VRTN: variants seen among roughly 807,000 people sequenced by gnomAD.
VRTN encodes the protein vertebrae development associated, also known as vertnin.
VRTN carries 5 observed loss-of-function variants against 18.2 expected under a neutral mutation model. That is an observed-to-expected ratio of 0.27 (90% confidence interval 0.14 to 0.58). The LOEUF is 0.58. Among genes scored for constraint, VRTN ranks in the 20% least tolerant of loss-of-function variants. The pLI is 0.91. For missense variants in VRTN, 741 were observed against 939.4 expected (o/e 0.79, Z 2.76); for synonymous variants, 381 against 393.7 (o/e 0.97, Z 0.38).
chr14:74,320,935 G>A (rs2085452365), intron 1 of VRTN, among the ~76,000 whole-genome samples: 1 of 147,346 alleles, frequency 6.8e-6, no homozygotes, highest in African/African-American at 2.5e-5. Flanking sequence ...AGCAGCAGCA[G>A]CAGCAGCAAG....
At chr14:74,303,843 ATTTTTTTTTTTT>A (rs67822776) in intron 1 of VRTN, among the ~76,000 whole-genome samples, 2 of 88,498 alleles carry the variant, frequency 2.3e-5, no homozygotes, top group South Asian at 3.9e-4. Flanking sequence ...ACAATTACAG[ATTTTTTTTTTTT>A]TTTTTTTTTT....
Position 74,341,889 on chromosome 14 carries a change from G to A in VRTN, c.-2+4005G>A, listed in dbSNP as rs117652306. Among the ~76,000 whole-genome samples the A allele has an allele frequency of 8.0e-3, 1,220 of 152,284 alleles. 10 individuals are homozygous for A. Among genetic ancestry groups the A allele is most frequent in the Non-Finnish European group, 0.013 (896 of 68,026 alleles). ...CTGAAATCTGAATTTTGTTCAAAGCGAGGTATATATTAACTAAAGATGTCT... is the reference window on the plus strand; with the variant it reads ...CTGAAATCTGAATTTTGTTCAAAGCAAGGTATATATTAACTAAAGATGTCT... On this transcript the variant is annotated intron_variant, in intron 2 of 2. Transcript: ENST00000557177.
chr14:74,304,113 A>G (rs1309519987), intron 1 of VRTN, among the ~76,000 whole-genome samples: 1 of 151,384 alleles, frequency 6.6e-6, no homozygotes, highest in African/African-American at 2.4e-5. Context: ...GGCTTTCCAA[A>G]GTGTTGGGAT....
chr14:74,353,630 C>T (rs993014055), intron 1 of VRTN, among the ~76,000 whole-genome samples: 6 of 151,926 alleles, frequency 3.9e-5, no homozygotes, highest in African/African-American at 9.7e-5. Context: ...GTATATTGTA[C>T]ACAAAATTAA....
intron 1 of VRTN, chr14:74,306,187 T>TTA (rs2085351240): frequency 7.6e-6 from 1 of 131,382 alleles, no homozygotes; most frequent in African/African-American, 3.0e-5. Context: ...TTTTTTTTTT[T>TTA]TGAGACAGAG....
At chr14:74,329,060 T>C (rs1005264768) in intron 1 of VRTN, among the ~76,000 whole-genome samples, 5 of 151,764 alleles carry the variant, frequency 3.3e-5, no homozygotes, top group African/African-American at 1.2e-4. Flanking sequence ...CACCTGAGGT[T>C]GGGAGTTCCA....
chr14:74,333,002 C>T (rs1213478572), intron 1 of VRTN, among the ~76,000 whole-genome samples: 1 of 152,192 alleles, frequency 6.6e-6, no homozygotes, highest in African/African-American at 2.4e-5. Flanking sequence ...ATGCATGTCT[C>T]CCAAGCTAGA....
Position 74,359,385 on chromosome 14 carries a change from T to C in VRTN, c.*493T>C, listed in dbSNP as rs2085764019. The C allele has an allele frequency of 5.9e-6, 1 of 168,788 alleles. No homozygotes were observed. The highest frequency in any genetic ancestry group is 6.4e-5 in the Admixed American group (1 of 15,530). The allele number at this position is 168,788 out of a possible 1,614,324, so 10.5% of individuals were successfully genotyped here. A position where few individuals can be genotyped will look rare whatever the true frequency, so the allele number is the denominator to read the frequency against. ...ACTCAGTTGTTTCCCAAAGGAACAT[T>C]AGGCTCGAATATGGGGGCCAGGTGT... On this transcript the variant is annotated 3_prime_UTR_variant, in exon 2 of 2. Coordinates refer to ENST00000256362, the MANE Select transcript of VRTN (RefSeq NM_018228.3).
At chr14:74,336,972 T>G (rs1805190284) in intron 1 of VRTN, among the ~76,000 whole-genome samples, 1 of 152,184 alleles carries the variant, frequency 6.6e-6, no homozygotes, top group Non-Finnish European at 1.5e-5. Context: ...TTTTGAAAAT[T>G]TACTTTGAAT....
At chr14:74,334,924 G>A (rs1027545367) in intron 1 of VRTN, among the ~76,000 whole-genome samples, 24 of 152,126 alleles carry the variant, frequency 1.6e-4, no homozygotes, top group Non-Finnish European at 1.8e-4. Context: ...TGAAGAATAC[G>A]AAGACAAAGA....
intron 2 of VRTN, among the ~76,000 whole-genome samples, chr14:74,340,110 ATTTTT>A (rs71115984): frequency 8.8e-6 from 1 of 113,222 alleles, no homozygotes. Context: ...TAATGTTTGT[ATTTTT>A]TTTTTTTTTT....
chr14:74,346,967 A>G (rs1469991263), upstream of VRTN, among the ~76,000 whole-genome samples: 2 of 151,712 alleles, frequency 1.3e-5, no homozygotes, highest in Non-Finnish European at 2.9e-5. Flanking sequence ...GTGTGGAAAG[A>G]AAAGGTATTT....
rs67857502 is a variant in VRTN, at chr14:74,332,335, GTTTTTTTTTTTTTTTTT to G, written c.-163-5363_-163-5347del. Among the ~76,000 whole-genome samples, 45 of 39,584 alleles carry G rather than the reference GTTTTTTTTTTTTTTTTT, an allele frequency of 1.1e-3. 1 individual carries two copies. The highest frequency in any genetic ancestry group is 2.5e-3 in the East Asian group (3 of 1,208). The allele number at this position is 39,584 out of a possible 152,430, so 26.0% of individuals were successfully genotyped here. ...CCTCCGGAGGATCGACTCCTAATCTGTTTTTTTTTTTTTTTTTTTTTTTTTTTTTTTTTTTTTTTTTA... is the reference window on the plus strand; with the variant it reads ...CCTCCGGAGGATCGACTCCTAATCTGTTTTTTTTTTTTTTTTTTTTTTTTA... On this transcript the variant is annotated intron_variant, in intron 1 of 2. Transcript: ENST00000557177.
rs529501501 is a variant in VRTN at position 74,351,063 on chromosome 14, A to G, written c.-2+2411A>G. Among the ~76,000 whole-genome samples the G allele has an allele frequency of 5.3e-5, 8 of 152,346 alleles. No homozygotes were observed. The South Asian group carries it at 1.7e-3, about 32-fold the overall frequency. On this transcript the variant is annotated intron_variant, in intron 1 of 1. Coordinates refer to ENST00000256362, the MANE Select transcript of VRTN (RefSeq NM_018228.3). Reference sequence around the variant, plus strand: ...AGCTATTTTCCTAATTTTGTTTACAAAGTATCTAGCAGAGCACTCATTTGT... The same window carrying G: ...AGCTATTTTCCTAATTTTGTTTACAGAGTATCTAGCAGAGCACTCATTTGT...
At chr14:74,322,532 A>C (rs1398936599) in intron 1 of VRTN, among the ~76,000 whole-genome samples, 2 of 152,160 alleles carry the variant, frequency 1.3e-5, no homozygotes, top group Non-Finnish European at 2.9e-5. Flanking sequence ...CTTGGTAGGA[A>C]AACACAATTA....
upstream of VRTN, among the ~76,000 whole-genome samples, chr14:74,347,594 C>G (rs1595173573): frequency 6.6e-6 from 1 of 152,228 alleles, no homozygotes; most frequent in African/African-American, 2.4e-5. Context: ...AGCTACAGCA[C>G]TCCAAAGGGT....
At position 74,358,617 on chromosome 14, in the gene VRTN, G is replaced by C; in HGVS notation, c.1834G>C (p.Gly612Arg). 6.2e-7 allele frequency: 1 copy of C among 1,601,962 alleles called. No homozygotes were observed. The highest frequency in any genetic ancestry group is 2.2e-5 in the East Asian group (1 of 44,784). The change falls in exon 2 of 2, where the codon GGG becomes CGG. Residue 612 changes from glycine (G) to arginine (R), a missense_variant. By Grantham distance (125) the Gly-to-Arg change is moderately radical. Transcript: ENST00000256362. This position sits in a 1 kb window ranked among gnomAD's most constrained non-coding sequence, Gnocchi z 5.4. ...TTCCAGAGAGGGGGCCCTGCAGGAG[G>C]GGGCCACAGCCCAGGGCCAGCCCCA... ...GPSREGALQEGATAQGQPHSG... is the reference protein window; with the variant it reads ...GPSREGALQERATAQGQPHSG...
chr14:74,314,394 CTTTTTT>C (rs10676222), intron 1 of VRTN, among the ~76,000 whole-genome samples: 1 of 108,824 alleles, frequency 9.2e-6, no homozygotes, highest in Non-Finnish European at 1.8e-5. Context: ...AAAAACTGTT[CTTTTTT>C]TTTTTTTTTT....
At chr14:74,327,040 G>C (rs1042746077) in intron 1 of VRTN, among the ~76,000 whole-genome samples, 2 of 152,198 alleles carry the variant, frequency 1.3e-5, no homozygotes, top group Non-Finnish European at 2.9e-5. Flanking sequence ...ACAGGTGGCT[G>C]TCCTGTAGGA....
Sources: allele counts gnomAD v4.1 joint callset (sites outside exome capture counted in the v4.1 genomes callset), GRCh38; gene constraint gnomAD v4.1.1; non-coding constraint Gnocchi (gnomAD v3.1); transcripts MANE v1.5; gene names NCBI Gene and HGNC (gene_info 2026-07-23, HGNC 2026-07-21).